Variants in CHM observed in about 807,000 individuals in gnomAD.
CHM encodes CHM Rab escort protein, also known as rab proteins geranylgeranyltransferase component A 1.
In CHM, 10 loss-of-function variants were observed where a neutral mutation model predicts 49.0. The observed-to-expected ratio is 0.20, with a 90% CI of 0.13 to 0.35. CHM has a LOEUF of 0.35. Among genes scored for constraint, CHM ranks in the 10% least tolerant of loss-of-function variants. The pLI is 1.00. For missense variants in CHM, 455 were observed against 478.4 expected (o/e 0.95, Z 0.46); for synonymous variants, 184 against 167.5 (o/e 1.10, Z -0.76).
chrX:85,959,688 A>G (rs944064120), intron 5 of CHM, among the ~76,000 whole-genome samples: 2 of 111,868 alleles, frequency 1.8e-5, no homozygotes, highest in South Asian at 7.5e-4. Context: ...AAGTAATATC[A>G]GAGAGATAAA....
chrX:85,967,684 T>C (rs1930657225), intron 4 of CHM, among the ~76,000 whole-genome samples: 1 of 112,355 alleles, frequency 8.9e-6, no homozygotes, highest in African/African-American at 3.2e-5. Context: ...TAGTGTCATT[T>C]ACATTGCTAG....
chrX:85,924,631 A>T (rs370106801), intron 8 of CHM, among the ~76,000 whole-genome samples: 15 of 111,835 alleles, frequency 1.3e-4, no homozygotes, highest in Admixed American at 1.2e-3. Context: ...TCTATATAGG[A>T]GGGCACAAGG....
At chrX:85,912,921 G>A (rs1461086169) in intron 8 of CHM, among the ~76,000 whole-genome samples, 2 of 105,912 alleles carry the variant, frequency 1.9e-5, no homozygotes, top group African/African-American at 6.9e-5. Flanking sequence ...GCTGAGGCAG[G>A]AGAATTGCTT....
intron 11 of CHM, among the ~76,000 whole-genome samples, chrX:85,899,801 A>T (rs1926139431): frequency 9.2e-6 from 1 of 108,318 alleles, no homozygotes; most frequent in African/African-American, 3.4e-5. Context: ...GTATTGATTT[A>T]TACATATTAC....
At chrX:85,893,322 A>T (rs937045008) in intron 12 of CHM, among the ~76,000 whole-genome samples, 2 of 111,957 alleles carry the variant, frequency 1.8e-5, no homozygotes, top group African/African-American at 6.5e-5. Flanking sequence ...ATGATATCTA[A>T]TGCTGGAAAC....
intron 12 of CHM, among the ~76,000 whole-genome samples, chrX:85,892,587 A>G (rs1925549572): frequency 9.0e-6 from 1 of 111,466 alleles, no homozygotes; most frequent in South Asian, 3.8e-4. Flanking sequence ...TGTGATTCCA[A>G]TTAAACCTCT....
rs1008324867 is a variant in CHM at position 85,863,318 on chromosome X, C to T, written c.*1312G>A. ...ATGTTGGCCAGGCTGGTCTCGAACTCCTGACCTCAAGTGATCTACCCACCT... is the reference window on the plus strand; with the variant it reads ...ATGTTGGCCAGGCTGGTCTCGAACTTCTGACCTCAAGTGATCTACCCACCT... On this transcript the variant is annotated 3_prime_UTR_variant, in exon 15 of 15. Coordinates refer to ENST00000357749, the MANE Select transcript of CHM (RefSeq NM_000390.4). The T allele has an allele frequency of 3.2e-4, 36 of 111,605 alleles. No homozygotes were observed. Among genetic ancestry groups the T allele is most frequent in the African/African-American group, 9.4e-4 (29 of 30,724 alleles). The allele number at this position is 111,605 out of a possible 1,213,427, so 9.2% of individuals were successfully genotyped here.
At chrX:86,014,030 C>T (rs1000298036) in intron 2 of CHM, among the ~76,000 whole-genome samples, 3 of 111,911 alleles carry the variant, frequency 2.7e-5, no homozygotes, top group East Asian at 2.8e-4. Flanking sequence ...TGTAAATATG[C>T]GTTCCAATAA....
At chrX:85,904,403 T>C (rs1436908835) in intron 9 of CHM, among the ~76,000 whole-genome samples, 3 of 111,417 alleles carry the variant, frequency 2.7e-5, no homozygotes, top group Non-Finnish European at 1.9e-5. Context: ...ACGATATAAG[T>C]GTGTAGATAG....
At chrX:85,910,134 C>T (rs754299664) in intron 9 of CHM, among the ~76,000 whole-genome samples, 3 of 111,764 alleles carry the variant, frequency 2.7e-5, no homozygotes, top group South Asian at 3.7e-4. Context: ...AGCAAATTTA[C>T]TATCTAAGCA....
chrX:85,947,299 C>A (rs1929469346), intron 8 of CHM, among the ~76,000 whole-genome samples: 1 of 111,761 alleles, frequency 8.9e-6, no homozygotes, highest in Admixed American at 9.5e-5. Context: ...AGGTGTGAAG[C>A]CTATTTGGAG....
At chrX:85,965,880 T>C (rs1930556523) in intron 4 of CHM, among the ~76,000 whole-genome samples, 3 of 111,799 alleles carry the variant, frequency 2.7e-5, no homozygotes, top group African/African-American at 9.7e-5. Context: ...CCCACTTTGT[T>C]CTATCCTAGA....
intron 8 of CHM, among the ~76,000 whole-genome samples, chrX:85,927,347 T>C (rs938059537): frequency 4.5e-5 from 5 of 111,904 alleles, no homozygotes; most frequent in Non-Finnish European, 9.4e-5. Context: ...TTCCTGTATA[T>C]GCAACTGTAA....
At chrX:86,026,327 T>C (rs777246036) in intron 2 of CHM, among the ~76,000 whole-genome samples, 2 of 107,547 alleles carry the variant, frequency 1.9e-5, no homozygotes, top group South Asian at 8.5e-4. Context: ...TTTCATCATG[T>C]TGGCCAGGCT....
intron 12 of CHM, among the ~76,000 whole-genome samples, chrX:85,879,927 A>G (rs1924657680): frequency 9.1e-6 from 1 of 109,844 alleles, no homozygotes; most frequent in African/African-American, 3.3e-5. Flanking sequence ...TTCTCTTCCA[A>G]TAGTTTATTT....
chrX:85,924,792 G>C (rs1333352522), intron 8 of CHM, among the ~76,000 whole-genome samples: 2 of 111,602 alleles, frequency 1.8e-5, no homozygotes, highest in Non-Finnish European at 3.8e-5. Flanking sequence ...TGGGCAGATG[G>C]ACTGCCCTTT....
intron 8 of CHM, among the ~76,000 whole-genome samples, chrX:85,945,460 T>C (rs1187263985): frequency 9.6e-6 from 1 of 104,101 alleles, no homozygotes; most frequent in Non-Finnish European, 2.0e-5. Context: ...TTCCTGCTCT[T>C]GCCATGTGAT....
At chrX:85,971,797 A>C (rs1050314301) in intron 4 of CHM, among the ~76,000 whole-genome samples, 2 of 111,071 alleles carry the variant, frequency 1.8e-5, no homozygotes, top group African/African-American at 6.6e-5. Context: ...CCTGAGCTAG[A>C]TATAAAGGTT....
intron 8 of CHM, among the ~76,000 whole-genome samples, chrX:85,937,002 C>A (rs1928815611): frequency 9.0e-6 from 1 of 111,372 alleles, no homozygotes; most frequent in Non-Finnish European, 1.9e-5. Flanking sequence ...TGCAGTGGCT[C>A]ACGCCTGTAA....
Sources: gnomAD v4.1 joint callset for allele counts (sites outside exome capture counted in the v4.1 genomes callset) on GRCh38, gnomAD v4.1.1 for gene constraint, MANE v1.5 for transcripts, NCBI Gene and HGNC (gene_info 2026-07-23, HGNC 2026-07-21) for gene names.